Variants in KCNN3 observed in about 807,000 individuals in gnomAD.
KCNN3 encodes small conductance calcium-activated potassium channel protein 3.
A neutral mutation model predicts 62.9 loss-of-function variants in KCNN3; 16 were observed. The ratio of observed to expected loss-of-function variants is 0.25; its 90% CI spans 0.17 to 0.39. The LOEUF is 0.39. Ranked by LOEUF, KCNN3 falls within the 10% of genes least tolerant of loss-of-function variation. KCNN3 has a pLI of 1.00. For missense variants in KCNN3, 599 were observed against 949.4 expected (o/e 0.63, Z 4.85); for synonymous variants, 370 against 389.2 (o/e 0.95, Z 0.58).
chr1:154,819,274 G>A (rs1387653519), intron 2 of KCNN3, among the ~76,000 whole-genome samples: 1 of 152,178 alleles, frequency 6.6e-6, no homozygotes, highest in African/African-American at 2.4e-5. Flanking sequence ...CTAAGTAATA[G>A]ATGAGGAAAC....
intron 2 of KCNN3, among the ~76,000 whole-genome samples, chr1:154,788,646 T>G (rs1310683651): frequency 6.6e-6 from 1 of 152,180 alleles, no homozygotes; most frequent in Non-Finnish European, 1.5e-5. Context: ...CTTCCTGAAC[T>G]GACTCCACGG....
At chr1:154,742,744 G>A (rs1436488991) in intron 3 of KCNN3, among the ~76,000 whole-genome samples, 1 of 152,132 alleles carries the variant, frequency 6.6e-6, no homozygotes, top group African/African-American at 2.4e-5. Context: ...TGCCTGCCTC[G>A]CGAGGCCGCG....
chr1:154,804,085 GC>G (rs1650064001), intron 2 of KCNN3, among the ~76,000 whole-genome samples: 1 of 152,330 alleles, frequency 6.6e-6, no homozygotes, highest in South Asian at 2.1e-4. Context: ...GTGGACTCCA[GC>G]CGCTCTCTGG....
intron 2 of KCNN3, among the ~76,000 whole-genome samples, chr1:154,789,753 C>A (rs1259964107): frequency 3.3e-5 from 5 of 152,140 alleles, no homozygotes; most frequent in African/African-American, 4.8e-5. Flanking sequence ...GCCCTCCTGA[C>A]ATCCTAAGCC....
At chr1:154,866,025 G>C (rs1652943544) in intron 1 of KCNN3, among the ~76,000 whole-genome samples, 1 of 151,904 alleles carries the variant, frequency 6.6e-6, no homozygotes, top group Non-Finnish European at 1.5e-5. Context: ...CCCTCCCCAG[G>C]GTCCACTGAA....
intron 6 of KCNN3, 151 bp from the exon 7 acceptor site, chr1:154,713,684 A>T: frequency 1.4e-6 from 1 of 700,034 alleles, no homozygotes; most frequent in South Asian, 1.5e-5. Flanking sequence ...TTTACTTTCC[A>T]GGGGCTTGTC....
At chr1:154,714,605 GGTGTGTGGTGTGTGTGTGTGT>G (rs1370870222) in intron 6 of KCNN3, among the ~76,000 whole-genome samples, 4 of 26,064 alleles carry the variant, frequency 1.5e-4, no homozygotes, top group African/African-American at 3.4e-4. Context: ...TGTGATGTGT[GGTGTGTGGTGTGTGTGTGTGT>G]GTGTGTGTGT....
intron 5 of KCNN3, among the ~76,000 whole-genome samples, chr1:154,715,698 C>G (rs953881987): frequency 6.6e-6 from 1 of 151,952 alleles, no homozygotes; most frequent in African/African-American, 2.4e-5. Context: ...GCTGCATGAG[C>G]GAGACCTTGA....
intron 3 of KCNN3, among the ~76,000 whole-genome samples, chr1:154,750,146 A>G (rs1359391033): frequency 6.6e-6 from 1 of 152,208 alleles, no homozygotes; most frequent in Non-Finnish European, 1.5e-5. Flanking sequence ...GGTCAACACT[A>G]TATGGAGAAA....
At chr1:154,855,436 T>C (rs1048851889) in intron 1 of KCNN3, among the ~76,000 whole-genome samples, 3 of 152,182 alleles carry the variant, frequency 2.0e-5, no homozygotes, top group African/African-American at 7.2e-5. Flanking sequence ...GCTCCATTCA[T>C]GGTAAGTGCC....
At chr1:154,765,254 G>GAAA (rs1571252987) in intron 3 of KCNN3, among the ~76,000 whole-genome samples, 1 of 151,164 alleles carries the variant, frequency 6.6e-6, no homozygotes, top group East Asian at 1.9e-4. Flanking sequence ...TTCTGAAAAT[G>GAAA]TTTACTGTGC....
intron 3 of KCNN3, among the ~76,000 whole-genome samples, chr1:154,749,024 T>C (rs1701000075): frequency 6.6e-6 from 1 of 152,124 alleles, no homozygotes; most frequent in Non-Finnish European, 1.5e-5. Context: ...TTGACCATAT[T>C]ACACCTTGGA....
intron 2 of KCNN3, among the ~76,000 whole-genome samples, chr1:154,795,357 C>G (rs1777931): frequency 0.38 from 58,119 of 152,116 alleles, 13,001 homozygotes; most frequent in East Asian, 0.65. Context: ...AACATAAGAG[C>G]ACACACAGGG....
chr1:154,844,443 A>G (rs1651963595), intron 1 of KCNN3, among the ~76,000 whole-genome samples: 2 of 152,330 alleles, frequency 1.3e-5, no homozygotes, highest in South Asian at 4.1e-4. Context: ...CTTGGTGTCA[A>G]AGGCCTGGGT....
At chr1:154,786,433 T>C (rs1649286001) in intron 2 of KCNN3, among the ~76,000 whole-genome samples, 1 of 152,244 alleles carries the variant, frequency 6.6e-6, no homozygotes, top group East Asian at 1.9e-4. Context: ...GAATATATTA[T>C]GGTACTCATA....
intron 2 of KCNN3, among the ~76,000 whole-genome samples, chr1:154,775,186 C>T (rs1349034214): frequency 6.6e-6 from 1 of 152,202 alleles, no homozygotes; most frequent in Non-Finnish European, 1.5e-5. Flanking sequence ...CTTTCTCACT[C>T]CACTTTGCTG....
intron 2 of KCNN3, among the ~76,000 whole-genome samples, chr1:154,796,295 A>T (rs1649733150): frequency 6.6e-6 from 1 of 151,968 alleles, no homozygotes; most frequent in Non-Finnish European, 1.5e-5. Flanking sequence ...CCTGGTCTCC[A>T]CTCCAGATCT....
At chr1:154,760,208 T>TA (rs1234190886) in intron 3 of KCNN3, among the ~76,000 whole-genome samples, 1 of 151,828 alleles carries the variant, frequency 6.6e-6, no homozygotes, top group Admixed American at 6.6e-5. Context: ...TTCTCCTTTC[T>TA]AAGAGATATC....
At chr1:154,755,046 TC>T (rs1647572385) in intron 3 of KCNN3, among the ~76,000 whole-genome samples, 2 of 152,212 alleles carry the variant, frequency 1.3e-5, no homozygotes, top group Admixed American at 1.3e-4. Flanking sequence ...GTCACTTTTG[TC>T]TGTTGCCTGG....
Sources: gnomAD v4.1 joint callset for allele counts (sites outside exome capture counted in the v4.1 genomes callset) on GRCh38, gnomAD v4.1.1 for gene constraint, MANE v1.5 for transcripts, NCBI Gene and HGNC (gene_info 2026-07-23, HGNC 2026-07-21) for gene names.